The following SRRM4 variants were observed in gnomAD, a reference collection of about 807,000 sequenced individuals.
SRRM4 encodes the protein serine/arginine repetitive matrix 4.
Under a neutral mutation model 68.9 loss-of-function variants are expected in SRRM4, and 33 were observed. That is an observed-to-expected ratio of 0.48 (90% confidence interval 0.36 to 0.64). The LOEUF is 0.64. Ranked by LOEUF, SRRM4 falls within the 30% of genes least tolerant of loss-of-function variation. SRRM4 has a pLI of 0.00. For missense variants in SRRM4, 817 were observed against 827.1 expected (o/e 0.99, Z 0.15); for synonymous variants, 318 against 318.8 (o/e 1.00, Z 0.03).
intron 1 of SRRM4, among the ~76,000 whole-genome samples, chr12:119,038,497 C>T (rs963205529): frequency 1.3e-5 from 2 of 152,192 alleles, no homozygotes; most frequent in African/African-American, 4.8e-5. Flanking sequence ...AGGCGTGAGC[C>T]ACCGCACCCG....
chr12:119,068,920 T>A (rs1264139637), intron 1 of SRRM4, among the ~76,000 whole-genome samples: 1 of 151,974 alleles, frequency 6.6e-6, no homozygotes, highest in East Asian at 1.9e-4. Flanking sequence ...TGATTTGGGG[T>A]TTATCTCATT....
chr12:119,034,041 A>G (rs12228589), intron 1 of SRRM4, among the ~76,000 whole-genome samples: 8,487 of 152,232 alleles, frequency 0.056, 334 homozygotes, highest in East Asian at 0.19. Context: ...TGAGACGGAA[A>G]TTAGCATACA....
Position 119,108,014 on chromosome 12 carries a change from G to A in SRRM4, c.278+5632G>A, listed in dbSNP as rs545781321. ...TGTCCCAGAGATTCCAGTATGTTGT[G>A]TCTTTGTTCTCATTGGTTTCAAAGA... On this transcript the variant is annotated intron_variant, in intron 2 of 12. Coordinates refer to ENST00000267260, the MANE Select transcript of SRRM4 (RefSeq NM_194286.4). Among the ~76,000 whole-genome samples, 85 of 152,296 alleles carry A rather than the reference G, an allele frequency of 5.6e-4. 1 individual carries two copies. Among genetic ancestry groups the A allele is most frequent in the African/African-American group, 2.0e-3 (83 of 41,564 alleles).
intron 9 of SRRM4, among the ~76,000 whole-genome samples, chr12:119,149,275 G>A (rs1195066688): frequency 6.6e-6 from 1 of 152,170 alleles, no homozygotes; most frequent in Admixed American, 6.5e-5. Context: ...TTGAACCTGG[G>A]AGGCGGAGGT....
At chr12:119,008,691 G>A (rs570437683) in intron 1 of SRRM4, among the ~76,000 whole-genome samples, 37 of 152,200 alleles carry the variant, frequency 2.4e-4, no homozygotes, top group African/African-American at 7.2e-4. Context: ...CGGTGAGAAC[G>A]CATGTTTATC....
At chr12:119,111,478 G>C (rs953398403) in intron 2 of SRRM4, among the ~76,000 whole-genome samples, 2 of 152,086 alleles carry the variant, frequency 1.3e-5, no homozygotes, top group African/African-American at 4.8e-5. Context: ...TGCTCTCCTG[G>C]GACCCTGGGA....
At chr12:119,126,289 G>A (rs1392246607) in intron 7 of SRRM4, among the ~76,000 whole-genome samples, 25 of 152,026 alleles carry the variant, frequency 1.6e-4, no homozygotes, top group Admixed American at 1.6e-3. Context: ...CTCCCAAAGT[G>A]TTAGAATTAC....
At chr12:119,045,020 C>T (rs776902302) in intron 1 of SRRM4, among the ~76,000 whole-genome samples, 1 of 152,148 alleles carries the variant, frequency 6.6e-6, no homozygotes, top group Non-Finnish European at 1.5e-5. Context: ...GGATTGTTCA[C>T]GAGAATCAAT....
At chr12:119,016,495 C>T (rs1594028209) in intron 1 of SRRM4, among the ~76,000 whole-genome samples, 1 of 151,700 alleles carries the variant, frequency 6.6e-6, no homozygotes, top group Non-Finnish European at 1.5e-5. Context: ...AAATAGACTG[C>T]TGCATTTCCC....
At position 119,125,499 on chromosome 12, in the gene SRRM4, T is replaced by A. The variant is rs1257315015; in HGVS notation, c.614+20T>A. ...GAGCAGGTAACCCCTTGCCCCAGGA[T>A]CCTCTTCTGTCAGCCACAGCCGAGC... is the stretch of plus-strand genomic sequence containing the variant. On this transcript the variant is annotated intron_variant, in intron 7 of 12. Coordinates refer to ENST00000267260, the MANE Select transcript of SRRM4 (RefSeq NM_194286.4). 1.2e-6 allele frequency: 2 copies of A among 1,604,412 alleles called. No individual in the cohort carries two copies. Among genetic ancestry groups the A allele is most frequent in the East Asian group, 4.5e-5 (2 of 44,582 alleles).
intron 1 of SRRM4, among the ~76,000 whole-genome samples, chr12:119,078,288 T>C (rs1953928377): frequency 6.6e-6 from 1 of 152,194 alleles, no homozygotes; most frequent in South Asian, 2.1e-4. Context: ...TACTGAGCTA[T>C]AACTTATCAT....
chr12:118,996,217 T>A (rs978357500), intron 1 of SRRM4, among the ~76,000 whole-genome samples: 1 of 152,176 alleles, frequency 6.6e-6, no homozygotes, highest in South Asian at 2.1e-4. Flanking sequence ...CCAGTCCTAG[T>A]TCTCTCCAAA....
At chr12:119,007,792 T>C (rs1170709243) in intron 1 of SRRM4, among the ~76,000 whole-genome samples, 1 of 152,208 alleles carries the variant, frequency 6.6e-6, no homozygotes, top group African/African-American at 2.4e-5. Context: ...TGTAAACCAG[T>C]ACAGACCAAT....
At chr12:119,049,928 A>G (rs1009550634) in intron 1 of SRRM4, among the ~76,000 whole-genome samples, 2 of 152,214 alleles carry the variant, frequency 1.3e-5, no homozygotes, top group Non-Finnish European at 2.9e-5. Flanking sequence ...AAACGCAATC[A>G]CATTTTAAAA....
intron 1 of SRRM4, among the ~76,000 whole-genome samples, chr12:119,084,091 C>CTGAG (rs1428924170): frequency 2.0e-5 from 3 of 152,172 alleles, no homozygotes; most frequent in Non-Finnish European, 2.9e-5. Context: ...GGTGCAGGAA[C>CTGAG]TGAGGCAAAG....
intron 1 of SRRM4, among the ~76,000 whole-genome samples, chr12:119,047,953 A>G (rs761158971): frequency 5.3e-5 from 8 of 152,250 alleles, no homozygotes; most frequent in Non-Finnish European, 1.2e-4. Flanking sequence ...GCAACCTGCT[A>G]CAATACACAA....
At chr12:119,149,401 C>T (rs1010034852) in intron 9 of SRRM4, among the ~76,000 whole-genome samples, 10 of 152,100 alleles carry the variant, frequency 6.6e-5, no homozygotes, top group Non-Finnish European at 1.3e-4. Context: ...TGAAATGATG[C>T]TTGTGAAATT....
intron 1 of SRRM4, among the ~76,000 whole-genome samples, chr12:118,987,719 T>C (rs189552684): frequency 3.9e-5 from 6 of 152,310 alleles, no homozygotes; most frequent in Admixed American, 3.9e-4. Context: ...CAGTCAGAGC[T>C]CCATCAGTGT....
chr12:118,985,917 G>C (rs1425821826), intron 1 of SRRM4, among the ~76,000 whole-genome samples: 1 of 152,102 alleles, frequency 6.6e-6, no homozygotes, highest in African/African-American at 2.4e-5. Context: ...TGTTAGTAAA[G>C]GGCTAGAAAA....
Sources: allele counts gnomAD v4.1 joint callset (sites outside exome capture counted in the v4.1 genomes callset), GRCh38; gene constraint gnomAD v4.1.1; transcripts MANE v1.5; gene names NCBI Gene and HGNC (gene_info 2026-07-23, HGNC 2026-07-21).